PDGFC: variants seen among roughly 807,000 people sequenced by gnomAD.
PDGFC encodes the protein platelet-derived growth factor C.
Under a neutral mutation model 35.5 loss-of-function variants are expected in PDGFC, and 12 were observed. The observed-to-expected ratio is 0.34, with a 90% confidence interval of 0.22 to 0.55. The LOEUF is 0.55. Among genes scored for constraint, PDGFC ranks in the 20% least tolerant of loss-of-function variants. The probability of loss-of-function intolerance (pLI) is 0.91; values close to 1 mark genes in which losing one functional copy is unlikely to be tolerated. For synonymous variants in PDGFC, 159 were observed against 148.8 expected, an observed-to-expected ratio of 1.07 and a Z score of -0.50; for missense variants, 322 against 412.4, an observed-to-expected ratio of 0.78 and a Z score of 1.90.
At chr4:156,907,700 T>C (rs1025921809) in intron 1 of PDGFC, among the ~76,000 whole-genome samples, 8 of 152,144 alleles carry the variant, frequency 5.3e-5, no homozygotes, top group Non-Finnish European at 1.2e-4. Flanking sequence ...TAAGCAGGCA[T>C]GTGCTAGGCA....
intron 1 of PDGFC, among the ~76,000 whole-genome samples, chr4:156,881,526 G>A (rs1730241361): frequency 6.6e-6 from 1 of 152,116 alleles, no homozygotes; most frequent in South Asian, 2.1e-4. Context: ...TCTTTCCTGT[G>A]GTGTTCTCAT....
chr4:156,780,107 G>GTTTTTTTTTTTTTTTTT (rs35403686), intron 3 of PDGFC, among the ~76,000 whole-genome samples: 3 of 125,026 alleles, frequency 2.4e-5, no homozygotes, highest in African/African-American at 5.9e-5. Context: ...CAAAATTAAG[G>GTTTTTTTTTTTTTTTTT]TTTTTTTTTT....
At chr4:156,778,880 T>TA (rs1391227330) in intron 3 of PDGFC, among the ~76,000 whole-genome samples, 1 of 152,240 alleles carries the variant, frequency 6.6e-6, no homozygotes, top group African/African-American at 2.4e-5. Context: ...TTCAAACTGA[T>TA]AAAGTTTTCA....
chr4:156,808,070 C>T (rs1731820343), intron 3 of PDGFC, among the ~76,000 whole-genome samples: 1 of 151,944 alleles, frequency 6.6e-6, no homozygotes, highest in African/African-American at 2.4e-5. Flanking sequence ...TATATTAGGA[C>T]AGCAGAATAT....
At chr4:156,955,464 A>G (rs1156500856) in intron 1 of PDGFC, among the ~76,000 whole-genome samples, 1 of 152,088 alleles carries the variant, frequency 6.6e-6, no homozygotes, top group Non-Finnish European at 1.5e-5. Flanking sequence ...ATCCTTTTGC[A>G]ATGTATACAT....
At chr4:156,874,272 A>C (rs1030008837) in intron 1 of PDGFC, among the ~76,000 whole-genome samples, 1 of 152,196 alleles carries the variant, frequency 6.6e-6, no homozygotes, top group African/African-American at 2.4e-5. Flanking sequence ...AAAGGAAAAA[A>C]TTAATAGACA....
At chr4:156,767,486 AT>A (rs3836683) in intron 5 of PDGFC, among the ~76,000 whole-genome samples, 6,475 of 150,720 alleles carry the variant, frequency 0.043, 337 homozygotes, top group South Asian at 0.17. Flanking sequence ...AACTTTACTC[AT>A]TTTTTTTTCC....
intron 1 of PDGFC, among the ~76,000 whole-genome samples, chr4:156,923,437 G>A (rs2110850027): frequency 6.6e-6 from 1 of 152,298 alleles, no homozygotes; most frequent in South Asian, 2.1e-4. Flanking sequence ...TCAATGAATA[G>A]ATATAGAAAA....
chr4:156,779,087 C>CT (rs1265803030), intron 3 of PDGFC: 2 of 455,688 alleles, frequency 4.4e-6, no homozygotes, highest in African/African-American at 4.0e-5. Context: ...AGAGGTCTTA[C>CT]TTTTAAAGAG....
intron 1 of PDGFC, among the ~76,000 whole-genome samples, chr4:156,950,346 A>G (rs754881850): frequency 2.6e-5 from 4 of 151,894 alleles, no homozygotes; most frequent in Admixed American, 6.6e-5. Flanking sequence ...CTAAAATAAC[A>G]TTATCTGTTA....
At chr4:156,962,205 T>A (rs1312835960) in intron 1 of PDGFC, among the ~76,000 whole-genome samples, 1 of 152,124 alleles carries the variant, frequency 6.6e-6, no homozygotes, top group African/African-American at 2.4e-5. Flanking sequence ...TTCTAGCCTC[T>A]CCTCACTCTC....
intron 1 of PDGFC, chr4:156,861,287 G>C: frequency 3.7e-6 from 1 of 269,758 alleles, no homozygotes; most frequent in South Asian, 3.6e-5. Context: ...TGAAGAATCA[G>C]ATAAGAGTAT....
At chr4:156,907,111 G>C (rs1050882299) in intron 1 of PDGFC, among the ~76,000 whole-genome samples, 8 of 152,058 alleles carry the variant, frequency 5.3e-5, no homozygotes, top group African/African-American at 1.9e-4. Context: ...CTTAGATTAG[G>C]AGAATATACC....
chr4:156,844,440 A>G (rs565114710), intron 2 of PDGFC, among the ~76,000 whole-genome samples: 1 of 152,244 alleles, frequency 6.6e-6, no homozygotes, highest in South Asian at 2.1e-4. Flanking sequence ...AATAGAATAG[A>G]ATCCAAAATA....
intron 1 of PDGFC, among the ~76,000 whole-genome samples, chr4:156,967,026 CTT>C (rs377133242): frequency 9.5e-5 from 13 of 136,886 alleles, no homozygotes; most frequent in East Asian, 2.2e-4. Context: ...GAAGTTTTTT[CTT>C]TTTTTTTTTT....
intron 1 of PDGFC, among the ~76,000 whole-genome samples, chr4:156,942,713 T>C (rs1268152278): frequency 6.8e-6 from 1 of 147,212 alleles, no homozygotes; most frequent in Non-Finnish European, 1.5e-5. Flanking sequence ...TATAATATTA[T>C]TATATTGTAA....
intron 1 of PDGFC, among the ~76,000 whole-genome samples, chr4:156,965,112 T>G (rs78892768): frequency 6.6e-6 from 1 of 152,342 alleles, no homozygotes; most frequent in Non-Finnish European, 1.5e-5. Flanking sequence ...CGTGGTACTC[T>G]GATTGGCACA....
At chr4:156,900,228 C>G (rs1272428048) in intron 1 of PDGFC, among the ~76,000 whole-genome samples, 3 of 152,072 alleles carry the variant, frequency 2.0e-5, no homozygotes, top group African/African-American at 7.2e-5. Flanking sequence ...CTCTCTTTTT[C>G]CCGAAATTCC....
At chr4:156,888,850 A>C (rs984263224) in intron 1 of PDGFC, among the ~76,000 whole-genome samples, 1 of 152,080 alleles carries the variant, frequency 6.6e-6, no homozygotes, top group African/African-American at 2.4e-5. Flanking sequence ...GGCACACACA[A>C]CTCTCACATA....
Sources: gnomAD v4.1 joint callset for allele counts (sites outside exome capture counted in the v4.1 genomes callset) on GRCh38, gnomAD v4.1.1 for gene constraint, MANE v1.5 for transcripts, NCBI Gene and HGNC (gene_info 2026-07-23, HGNC 2026-07-21) for gene names.